TMPRSS11F: variants seen among roughly 807,000 people sequenced by gnomAD.
TMPRSS11F encodes the protein transmembrane serine protease 11F.
A neutral mutation model predicts 60.2 loss-of-function variants in TMPRSS11F; 47 were observed. The observed-to-expected ratio is 0.78, with a 90% confidence interval of 0.62 to 1.00. The LOEUF is 1.00. TMPRSS11F is among the 50% of genes least tolerant of loss of function. The pLI, the probability that TMPRSS11F is intolerant of heterozygous loss-of-function variation, is 0.00. For missense variants in TMPRSS11F, 519 were observed against 522.9 expected, an observed-to-expected ratio of 0.99 and a Z score of 0.07; for synonymous variants, 166 against 167.3, an observed-to-expected ratio of 0.99 and a Z score of 0.06.
At chr4:68,074,139 T>A (rs527860173) in intron 3 of TMPRSS11F, 130 bp from the exon 4 acceptor site, 1 of 516,438 alleles carries the variant, frequency 1.9e-6, no homozygotes, top group African/African-American at 2.0e-5. Context: ...GGCAAAAAAA[T>A]AAAAATAAAA....
rs201721978 is a variant in TMPRSS11F, at chr4:68,057,524, C to CTT, written c.1158+1800_1158+1801dup. The stretch of plus-strand genomic sequence containing the variant: ...AATCAGATTGTATCAAACTGAAAAG[C>CTT]TTGCACGGCAAACAAAACAAAACAA... On this transcript the variant is annotated intron_variant, in intron 9 of 9. Transcript: ENST00000356291. 1.7e-3 allele frequency among the ~76,000 whole-genome samples: 255 copies of CTT among 152,130 alleles called. 2 individuals are homozygous for CTT. The highest frequency in any genetic ancestry group is 6.0e-3 in the African/African-American group (249 of 41,520).
chr4:68,122,076 C>A (rs1724635323), intron 1 of TMPRSS11F, among the ~76,000 whole-genome samples: 1 of 151,892 alleles, frequency 6.6e-6, no homozygotes, highest in Non-Finnish European at 1.5e-5. Flanking sequence ...TCATTAAGAC[C>A]TAATTAATTG....
chr4:68,079,859 T>C (rs1307169607), intron 3 of TMPRSS11F, among the ~76,000 whole-genome samples: 1 of 152,242 alleles, frequency 6.6e-6, no homozygotes, highest in African/African-American at 2.4e-5. Context: ...CTTATGGCTC[T>C]AACTAATTAG....
At chr4:68,102,559 T>C (rs1724215324) in intron 1 of TMPRSS11F, among the ~76,000 whole-genome samples, 1 of 152,176 alleles carries the variant, frequency 6.6e-6, no homozygotes, top group South Asian at 2.1e-4. Context: ...TTTACATTTT[T>C]TTGATGATTA....
chr4:68,090,625 A>G lies in TMPRSS11F; in HGVS notation c.180T>C (p.Tyr60=), dbSNP rs1017127282. ...HFVVEDDKSF[Y]YLASFKVTNI... is the part of the protein sequence containing the mutation. ...TTGTGACTTTAAAAGAGGCAAGGTA[A>G]TAGAAAGACTTATCATCTGAAAGGT... The change falls in exon 3 of 10, where the codon TAT becomes TAC. Residue 60 remains tyrosine (Y), a synonymous_variant. Transcript: ENST00000356291. The G allele has an allele frequency of 3.1e-6, 5 of 1,596,174 alleles. No individual in the cohort carries two copies. Among genetic ancestry groups the G allele is most frequent in the Non-Finnish European group, 4.3e-6 (5 of 1,170,852 alleles).
At chr4:68,117,071 G>C (rs529635714) in intron 1 of TMPRSS11F, among the ~76,000 whole-genome samples, 6 of 152,278 alleles carry the variant, frequency 3.9e-5, no homozygotes, top group South Asian at 2.1e-4. Flanking sequence ...TACCAAATGA[G>C]AGAAAATATT....
At chr4:68,128,481 C>T (rs992767608) in intron 1 of TMPRSS11F, among the ~76,000 whole-genome samples, 26 of 151,846 alleles carry the variant, frequency 1.7e-4, no homozygotes, top group African/African-American at 5.1e-4. Flanking sequence ...TCAAAGCTGA[C>T]GAGGCTTCAA....
chr4:68,080,489 T>C (rs1042101297), intron 3 of TMPRSS11F: 1 of 152,254 alleles, frequency 6.6e-6, no homozygotes, highest in African/African-American at 2.4e-5. Context: ...CAGAGAATTG[T>C]CCTTGTCTGA....
At chr4:68,108,554 C>A (rs773176409) in intron 1 of TMPRSS11F, among the ~76,000 whole-genome samples, 1 of 152,172 alleles carries the variant, frequency 6.6e-6, no homozygotes, top group Admixed American at 6.5e-5. Flanking sequence ...TGATGTGTCA[C>A]CCAGCCCCTA....
In TMPRSS11F at chr4:68,069,966, T is replaced by TA. The variant is rs1192212077; in HGVS notation, c.553+2dup. The TA allele has an allele frequency of 3.1e-6, 5 of 1,602,142 alleles. No individual in the cohort carries two copies. The highest frequency in any genetic ancestry group is 4.5e-5 in the East Asian group (2 of 44,208). On this transcript the variant is annotated splice_region_variant and intron_variant, in intron 6 of 9. Transcript: ENST00000356291. ...ACAGTTAATTGTGGGTTTTGGAACT[T>TA]ACGACTGTTGAGAAGATTCCTCATC...
rs751316334 is a variant in TMPRSS11F at position 68,073,948 on chromosome 4, T to C, written c.344A>G (p.Lys115Arg). The C allele has an allele frequency of 1.3e-5, 21 of 1,572,990 alleles. No individual in the cohort carries two copies. Among genetic ancestry groups the C allele is most frequent in the Non-Finnish European group, 1.7e-5 (20 of 1,160,456 alleles). Reference sequence around the variant, plus strand: ...ATAAACCAAATTTACATACCTTAATTTGATAACATGAGATTTGATAAATCG... The same window carrying C: ...ATAAACCAAATTTACATACCTTAATCTGATAACATGAGATTTGATAAATCG... Reference protein sequence around the residue: ...GGRFIKSHVIKLSPDEQGVDI... With the variant: ...GGRFIKSHVIRLSPDEQGVDI... The change falls in exon 4 of 10, where the codon AAA (lysine) becomes AGA (arginine). Residue 115 changes from lysine (K) to arginine (R), a missense_variant. Lys to Arg is a conservative substitution (Grantham distance 26). Transcript: ENST00000356291.
At chr4:68,103,122 G>A (rs1724225734) in intron 1 of TMPRSS11F, among the ~76,000 whole-genome samples, 1 of 151,156 alleles carries the variant, frequency 6.6e-6, no homozygotes, top group Non-Finnish European at 1.5e-5. Flanking sequence ...TCCTTATTGT[G>A]TCCTTGTGAT....
intron 1 of TMPRSS11F, among the ~76,000 whole-genome samples, chr4:68,127,015 T>G (rs1232018126): frequency 1.3e-5 from 2 of 152,240 alleles, no homozygotes; most frequent in African/African-American, 2.4e-5. Context: ...ACCATCAAGC[T>G]GCACTGGTCC....
chr4:68,085,766 G>A (rs977517322), intron 3 of TMPRSS11F, among the ~76,000 whole-genome samples: 3 of 151,862 alleles, frequency 2.0e-5, no homozygotes, highest in African/African-American at 7.3e-5. Flanking sequence ...CAGCAAGAAC[G>A]GTAAAGAAGG....
At chr4:68,123,940 G>A (rs1724667843) in intron 1 of TMPRSS11F, among the ~76,000 whole-genome samples, 1 of 152,090 alleles carries the variant, frequency 6.6e-6, no homozygotes, top group African/African-American at 2.4e-5. Context: ...CTTTATCAAG[G>A]TCGGGCACGG....
intron 8 of TMPRSS11F, chr4:68,061,938 C>T: frequency 4.7e-6 from 2 of 429,660 alleles, no homozygotes; most frequent in South Asian, 1.7e-5. Context: ...TGTATGAAAA[C>T]GAATGCTTGT....
intron 3 of TMPRSS11F, among the ~76,000 whole-genome samples, chr4:68,089,445 A>G (rs1221040664): frequency 6.6e-6 from 1 of 152,174 alleles, no homozygotes; most frequent in Non-Finnish European, 1.5e-5. Flanking sequence ...AGAAAAGAAG[A>G]TTTAAAGAAA....
At chr4:68,104,333 C>G (rs1228019559) in intron 1 of TMPRSS11F, among the ~76,000 whole-genome samples, 2 of 151,930 alleles carry the variant, frequency 1.3e-5, no homozygotes, top group African/African-American at 4.8e-5. Context: ...TGGCTGTGTC[C>G]CCATCCAAAT....
chr4:68,077,475 T>G (rs1304419881), intron 3 of TMPRSS11F: 2 of 152,244 alleles, frequency 1.3e-5, no homozygotes, highest in Non-Finnish European at 2.9e-5. Context: ...AGAACAGGAA[T>G]GCTGCTGGAA....
Sources: allele counts gnomAD v4.1 joint callset (sites outside exome capture counted in the v4.1 genomes callset), GRCh38; gene constraint gnomAD v4.1.1; transcripts MANE v1.5; gene names NCBI Gene and HGNC (gene_info 2026-07-23, HGNC 2026-07-21).